The following ARHGAP6 variants were observed in gnomAD, a reference collection of about 807,000 sequenced individuals.
ARHGAP6 encodes the protein rho GTPase-activating protein 6.
In ARHGAP6, 16 loss-of-function variants were observed where a neutral mutation model predicts 55.7. That is an observed-to-expected ratio of 0.29 (90% confidence interval 0.19 to 0.44). ARHGAP6 has a LOEUF of 0.44. Among genes scored for constraint, ARHGAP6 ranks in the 20% least tolerant of loss-of-function variants. ARHGAP6 has a pLI of 1.00. For synonymous variants in ARHGAP6, 382 were observed against 360.9 expected (o/e 1.06, Z -0.66); for missense variants, 698 against 808.9 (o/e 0.86, Z 1.66).
At position 11,146,978 on chromosome X, in the gene ARHGAP6, TA is replaced by T. The variant is rs3216377; in HGVS notation, c.1908-2731del. 2.9e-3 allele frequency among the ~76,000 whole-genome samples: 309 copies of T among 106,830 alleles called. 2 individuals are homozygous for T. The highest frequency in any genetic ancestry group is 9.5e-3 in the African/African-American group (282 of 29,555). 92.8% of individuals were successfully genotyped at this position (106,830 alleles called of 115,157 possible). Reference sequence around the variant, plus strand: ...TCTTCTCACATGAAAGCACACCGATTAAAAAAAAAAGCTGTTTTATTCACTC... The same window carrying T: ...TCTTCTCACATGAAAGCACACCGATTAAAAAAAAAGCTGTTTTATTCACTC... On this transcript the variant is annotated intron_variant, in intron 10 of 12. Coordinates refer to ENST00000337414, the MANE Select transcript of ARHGAP6 (RefSeq NM_013427.3).
intron 1 of ARHGAP6, among the ~76,000 whole-genome samples, chrX:11,520,083 T>A (rs12216982): frequency 0.11 from 9,315 of 83,985 alleles, 774 homozygotes; most frequent in African/African-American, 0.23. Context: ...TTCACAACCT[T>A]CTCATCTGAC....
chrX:11,419,401 A>G (rs1275711887), intron 1 of ARHGAP6, among the ~76,000 whole-genome samples: 1 of 112,378 alleles, frequency 8.9e-6, no homozygotes, highest in Non-Finnish European at 1.9e-5. Context: ...CTTTTGAGAT[A>G]AAAGTTAAGA....
chrX:11,350,885 C>A (rs1217351927), intron 1 of ARHGAP6, among the ~76,000 whole-genome samples: 1 of 111,218 alleles, frequency 9.0e-6, no homozygotes, highest in Non-Finnish European at 1.9e-5. Flanking sequence ...GGAAAAAAAT[C>A]TGTTAACTAT....
chrX:11,149,559 G>C (rs1602733097), intron 10 of ARHGAP6, among the ~76,000 whole-genome samples: 1 of 111,435 alleles, frequency 9.0e-6, no homozygotes, highest in African/African-American at 3.3e-5. Flanking sequence ...CTGTTACATT[G>C]TACTGGTAAA....
chrX:11,496,645 T>C (rs767237019), intron 1 of ARHGAP6, among the ~76,000 whole-genome samples: 1 of 112,306 alleles, frequency 8.9e-6, no homozygotes, highest in South Asian at 3.7e-4. Context: ...ATTTTCTACA[T>C]TTGTGTTATT....
intron 1 of ARHGAP6, among the ~76,000 whole-genome samples, chrX:11,524,836 A>C (rs911196748): frequency 9.0e-6 from 1 of 111,461 alleles, no homozygotes; most frequent in African/African-American, 3.3e-5. Flanking sequence ...AATCAGTAGG[A>C]GCCCTGAGCT....
At chrX:11,271,947 T>G (rs949973557) in intron 1 of ARHGAP6, among the ~76,000 whole-genome samples, 1 of 112,236 alleles carries the variant, frequency 8.9e-6, no homozygotes, top group African/African-American at 3.2e-5. Context: ...TTAGAACAAA[T>G]GTATTCTCCA....
chrX:11,556,083 C>T (rs1251390851), intron 1 of ARHGAP6, among the ~76,000 whole-genome samples: 6 of 111,297 alleles, frequency 5.4e-5, no homozygotes, highest in South Asian at 3.9e-4. Flanking sequence ...CCCTACTCTG[C>T]GCCAAATACT....
intron 1 of ARHGAP6, among the ~76,000 whole-genome samples, chrX:11,530,614 G>C (rs772677161): frequency 7.1e-5 from 8 of 112,057 alleles, no homozygotes; most frequent in Non-Finnish European, 1.3e-4. Context: ...GAGTAACTGA[G>C]GTGCTATTTT....
At chrX:11,473,439 G>C (rs1034734770) in intron 1 of ARHGAP6, among the ~76,000 whole-genome samples, 2 of 108,638 alleles carry the variant, frequency 1.8e-5, no homozygotes, top group Non-Finnish European at 4.0e-5. Flanking sequence ...CATTGGATTC[G>C]GGAGGGCCCT....
intron 1 of ARHGAP6, among the ~76,000 whole-genome samples, chrX:11,289,223 T>C (rs2047956615): frequency 9.0e-6 from 1 of 111,486 alleles, no homozygotes; most frequent in Non-Finnish European, 1.9e-5. Flanking sequence ...AAAAATCGTG[T>C]GTTTTTTTTT....
At chrX:11,359,323 T>C (rs2048978622) in intron 1 of ARHGAP6, among the ~76,000 whole-genome samples, 1 of 112,234 alleles carries the variant, frequency 8.9e-6, no homozygotes, top group African/African-American at 3.2e-5. Flanking sequence ...AACATTTTTA[T>C]ATTCAGGAAC....
chrX:11,206,085 G>A (rs974810352), intron 2 of ARHGAP6, among the ~76,000 whole-genome samples: 9 of 111,740 alleles, frequency 8.1e-5, no homozygotes, highest in South Asian at 7.6e-4. Context: ...AGGGGGAATC[G>A]TCCTTTAAGA....
intron 1 of ARHGAP6, among the ~76,000 whole-genome samples, chrX:11,615,888 T>C (rs2052157788): frequency 8.9e-6 from 1 of 112,031 alleles, no homozygotes; most frequent in Non-Finnish European, 1.9e-5. Flanking sequence ...CAATTTAAAG[T>C]GGCTCCTCTT....
At chrX:11,253,661 C>T (rs1437525159) in intron 2 of ARHGAP6, among the ~76,000 whole-genome samples, 1 of 111,943 alleles carries the variant, frequency 8.9e-6, no homozygotes, top group Admixed American at 9.5e-5. Flanking sequence ...CAGCACAGCA[C>T]TTTGGGAGGC....
intron 1 of ARHGAP6, among the ~76,000 whole-genome samples, chrX:11,456,870 T>C (rs953562209): frequency 2.2e-4 from 25 of 112,078 alleles, no homozygotes; most frequent in African/African-American, 7.5e-4. Context: ...GAGTATTCAA[T>C]AGGCAATATA....
chrX:11,438,648 T>G (rs1005370918), intron 1 of ARHGAP6, among the ~76,000 whole-genome samples: 4 of 112,830 alleles, frequency 3.5e-5, no homozygotes, highest in African/African-American at 1.3e-4. Flanking sequence ...AAAAAGAAAT[T>G]GTTTCTATCT....
intron 12 of ARHGAP6, among the ~76,000 whole-genome samples, chrX:11,140,478 C>T (rs1214045193): frequency 9.2e-6 from 1 of 109,085 alleles, no homozygotes; most frequent in African/African-American, 3.3e-5. Flanking sequence ...CTGATCTTTG[C>T]TTTCCCCCTT....
intron 2 of ARHGAP6, among the ~76,000 whole-genome samples, chrX:11,234,236 C>T (rs989698860): frequency 3.6e-5 from 4 of 112,287 alleles, no homozygotes; most frequent in Non-Finnish European, 7.5e-5. Context: ...ACCTGTTTCA[C>T]GATAGCTGTG....
Sources: allele counts gnomAD v4.1 joint callset (sites outside exome capture counted in the v4.1 genomes callset), GRCh38; gene constraint gnomAD v4.1.1; transcripts MANE v1.5; gene names NCBI Gene and HGNC (gene_info 2026-07-23, HGNC 2026-07-21).